The following INHA variants were observed in gnomAD, a reference collection of about 807,000 sequenced individuals.
The protein encoded by INHA is inhibin subunit alpha.
INHA carries 8 observed loss-of-function variants against 21.3 expected under a neutral mutation model. That is an observed-to-expected ratio of 0.38 (90% confidence interval 0.22 to 0.68). The LOEUF (loss-of-function observed/expected upper bound fraction) is 0.68. INHA is among the 30% of genes least tolerant of loss of function. INHA has a pLI of 0.53. For missense variants in INHA, 436 were observed against 465.8 expected (o/e 0.94, Z 0.59); for synonymous variants, 231 against 207.5 (o/e 1.11, Z -0.97).
At position 219,572,627 on chromosome 2, in the gene INHA, C is replaced by G; in HGVS notation, c.253C>G (p.Leu85Val). ...AGAGGAGGATGTCTCCCAAGCCATC[C>G]TTTTCCCAGCCACAGGTAACGAGGG... ...EEEEDVSQAI[L>V]FPATDASCED... The change falls in exon 1 of 2, where the codon CTT (leucine) becomes GTT (valine). Residue 85 changes from leucine (L) to valine (V), a missense_variant. Coordinates refer to ENST00000243786, the MANE Select transcript of INHA (RefSeq NM_002191.4). The G allele has an allele frequency of 6.4e-7, 1 of 1,551,646 alleles. No individual in the cohort carries two copies. Among genetic ancestry groups the G allele is most frequent in the Non-Finnish European group, 8.7e-7 (1 of 1,147,048 alleles).
chr2:219,572,712 A>G (rs984197172), intron 1 of INHA, 70 bp downstream of exon 1: 1 of 1,523,520 alleles, frequency 6.6e-7, no homozygotes, highest in Admixed American at 2.0e-5. Context: ...TTTGCAGGCC[A>G]GGCGGACCTG....
At chr2:219,573,211 C>T (rs1253386782) in intron 1 of INHA, among the ~76,000 whole-genome samples, 1 of 152,034 alleles carries the variant, frequency 6.6e-6, no homozygotes, top group Non-Finnish European at 1.5e-5. Flanking sequence ...GGACCCCTGC[C>T]TCCCTCACTT....
Position 219,575,454 on chromosome 2 carries a change from C to T in INHA, c.1029C>T (p.Thr343=). 6.2e-7 allele frequency: 1 copy of T among 1,614,092 alleles called. No individual in the cohort carries two copies. Among genetic ancestry groups the T allele is most frequent in the Non-Finnish European group, 8.5e-7 (1 of 1,180,046 alleles). ...GTMRPLHVRT[T]SDGGYSFKYE... ...TGAGGCCCCTACATGTCCGCACCAC[C>T]TCGGATGGAGGTTACTCTTTCAAGT... Residue 343 remains threonine (T), a synonymous_variant, in exon 2 of 2, where the codon ACC becomes ACT. Coordinates refer to ENST00000243786, the MANE Select transcript of INHA (RefSeq NM_002191.4).
rs116730426 is a variant in INHA at position 219,572,948 on chromosome 2, C to T, written c.268+306C>T. Among the ~76,000 whole-genome samples, 1,142 of 152,382 alleles carry T rather than the reference C, an allele frequency of 7.5e-3. 14 individuals are homozygous for T. The highest frequency in any genetic ancestry group is 0.026 in the African/African-American group (1,072 of 41,592). ...GAGATATTTGGGCTTGAGCCCCTTC[C>T]TGCCACCTTTCCTCCTATCTCTGCC... On this transcript the variant is annotated intron_variant, in intron 1 of 1. Coordinates refer to ENST00000243786, the MANE Select transcript of INHA (RefSeq NM_002191.4).
chr2:219,572,757 G>C, intron 1 of INHA, 115 bp downstream of exon 1: 3 of 1,153,734 alleles, frequency 2.6e-6, no homozygotes, highest in South Asian at 2.8e-5. Context: ...CAGTTGCTTT[G>C]CAGCAATAGG....
At chr2:219,572,670 T>C (rs1340606338) in intron 1 of INHA, 28 bp downstream of exon 1, 79 of 1,550,912 alleles carry the variant, frequency 5.1e-5, no homozygotes, top group Non-Finnish European at 6.8e-5. Flanking sequence ...ACCGGCAGGA[T>C]GACTTTGAGA....
At chr2:219,572,733 C>T (rs1697441215) in intron 1 of INHA, 91 bp downstream of exon 1, 2 of 1,386,710 alleles carry the variant, frequency 1.4e-6, no homozygotes. Flanking sequence ...GGTTTGAATC[C>T]TAGTCCTGCT....
Position 219,575,229 on chromosome 2 carries a change from C to T in INHA, c.804C>T (p.Asn268=). 2 of 1,614,252 alleles carry T rather than the reference C, an allele frequency of 1.2e-6. No homozygotes were observed. Among genetic ancestry groups the T allele is most frequent in the Non-Finnish European group, 1.7e-6 (2 of 1,180,038 alleles). The change falls in exon 2 of 2, where the codon AAC becomes AAT. Residue 268 remains asparagine, a synonymous_variant. Coordinates refer to ENST00000243786, the MANE Select transcript of INHA (RefSeq NM_002191.4). ...AHANCHRVAL[N]ISFQELGWER... ...CCAACTGCCACAGAGTAGCACTGAA[C>T]ATCTCCTTCCAGGAGCTGGGCTGGG...
chr2:219,574,859 C>T lies in INHA; in HGVS notation c.434C>T (p.Ser145Phe). Residue 145 changes from serine to phenylalanine, a missense_variant, in exon 2 of 2, where the codon TCC becomes TTC. Transcript: ENST00000243786. ...CTGGACAGGCAGGGCACAGCAGCCT[C>T]CAATAGCTCTGAGCCCCTGCTAGGC... is the stretch of plus-strand genomic sequence containing the variant. Reference protein sequence around the residue: ...TGLDRQGTAASNSSEPLLGLL... With the variant: ...TGLDRQGTAAFNSSEPLLGLL... 1 of 1,614,116 alleles carries T rather than the reference C, an allele frequency of 6.2e-7. No individual in the cohort carries two copies.
At chr2:219,573,882 C>T (rs1240110763) in intron 1 of INHA, among the ~76,000 whole-genome samples, 39 of 150,670 alleles carry the variant, frequency 2.6e-4, no homozygotes, top group Admixed American at 2.0e-4. Flanking sequence ...ATTGCTTGAA[C>T]GTGGGAGGCG....
intron 1 of INHA, among the ~76,000 whole-genome samples, chr2:219,573,582 T>C (rs901084935): frequency 5.0e-5 from 2 of 40,174 alleles, no homozygotes; most frequent in African/African-American, 1.7e-4. Context: ...CTTTCCCTCC[T>C]TCTTCTTTTT....
In INHA at chr2:219,572,587, C is replaced by A. The variant is rs1304168817; in HGVS notation, c.213C>A (p.Gly71=). ...RHALGGFTHR[G]SEPEEEEDVS... ...CCCTGGGGGGCTTCACACACAGGGG[C>A]TCTGAGCCCGAGGAAGAGGAGGATG... Residue 71 remains glycine (G), a synonymous_variant, in exon 1 of 2, where the codon GGC becomes GGA. Coordinates refer to ENST00000243786, the MANE Select transcript of INHA (RefSeq NM_002191.4). The A allele has an allele frequency of 6.4e-7, 1 of 1,555,870 alleles. No homozygotes were observed.
chr2:219,573,587 CTTTT>C (rs11342037), intron 1 of INHA, among the ~76,000 whole-genome samples: 22 of 143,644 alleles, frequency 1.5e-4, no homozygotes, highest in South Asian at 2.2e-4. Context: ...CCTCCTTCTT[CTTTT>C]TTTTTTTTTT....
chr2:219,574,278 CAA>C (rs1189604451), intron 1 of INHA, among the ~76,000 whole-genome samples: 2,126 of 65,912 alleles, frequency 0.032, 55 homozygotes, highest in African/African-American at 0.1. Flanking sequence ...GACTCTGTCT[CAA>C]AAAAAAAAAA....
In INHA at chr2:219,574,727, G is replaced by C; in HGVS notation, c.302G>C (p.Gly101Ala). The change falls in exon 2 of 2, where the codon GGG becomes GCG. Residue 101 changes from glycine to alanine, a missense_variant. By Grantham distance (60) the Gly-to-Ala change is moderately conservative. Transcript: ENST00000243786. ...TGTGAGGACAAGTCAGCTGCCAGAG[G>C]GCTGGCCCAGGAGGCTGAGGAGGGC... ...ASCEDKSAAR[G>A]LAQEAEEGLF... 1.2e-6 allele frequency: 2 copies of C among 1,613,738 alleles called. No individual in the cohort carries two copies. Among genetic ancestry groups the C allele is most frequent in the Admixed American group, 3.3e-5 (2 of 59,996 alleles).
chr2:219,572,790 C>T, intron 1 of INHA, 148 bp downstream of exon 1: 3 of 877,062 alleles, frequency 3.4e-6, no homozygotes, highest in East Asian at 2.6e-5. Context: ...CTTCCTTATG[C>T]TTCTGTCTCC....
Position 219,575,447 on chromosome 2 carries a change from G to T in INHA, c.1022G>T (p.Arg341Leu). The T allele has an allele frequency of 1.2e-6, 2 of 1,613,966 alleles. No homozygotes were observed. Among genetic ancestry groups the T allele is most frequent in the South Asian group, 2.2e-5 (2 of 91,088 alleles). Residue 341 changes from arginine (R) to leucine (L), a missense_variant, in exon 2 of 2, where the codon CGC becomes CTC. Arg to Leu is a moderately radical substitution (Grantham distance 102). Coordinates refer to ENST00000243786, the MANE Select transcript of INHA (RefSeq NM_002191.4). ...LPGTMRPLHVRTTSDGGYSFK... is the reference protein window; with the variant it reads ...LPGTMRPLHVLTTSDGGYSFK... Reference sequence around the variant, plus strand: ...GGGACCATGAGGCCCCTACATGTCCGCACCACCTCGGATGGAGGTTACTCT... The same window carrying T: ...GGGACCATGAGGCCCCTACATGTCCTCACCACCTCGGATGGAGGTTACTCT...
rs539617640 is a variant in INHA, at chr2:219,572,382, T to C, written c.8T>C (p.Leu3Pro). 1 of 1,613,846 alleles carries C rather than the reference T, an allele frequency of 6.2e-7. No individual in the cohort carries two copies. The highest frequency in any genetic ancestry group is 8.5e-7 in the Non-Finnish European group (1 of 1,180,020). MVLHLLLFLLLTP... is the reference protein window; with the variant it reads MVPHLLLFLLLTP... The stretch of plus-strand genomic sequence containing the variant: ...AGCAGGGCCAGGTGAGCTATGGTGC[T>C]GCACCTACTGCTCTTCTTGCTGCTG... Residue 3 changes from leucine (L) to proline (P), a missense_variant, in exon 1 of 2, where the codon CTG (leucine) becomes CCG (proline). Leu to Pro is a moderately conservative substitution (Grantham distance 98, BLOSUM62 -3). Coordinates refer to ENST00000243786, the MANE Select transcript of INHA (RefSeq NM_002191.4).
chr2:219,575,095 C>G lies in INHA; in HGVS notation c.670C>G (p.Pro224Ala). The change falls in exon 2 of 2, where the codon CCC becomes GCC. Residue 224 changes from proline (P) to alanine (A), a missense_variant. Transcript: ENST00000243786. The part of the protein sequence containing the change: ...FLVAHTRTRP[P>A]SGGERARRST... ...GGTGGCCCACACTCGGACCAGACCA[C>G]CCAGTGGAGGGGAGAGAGCCCGACG... 1.9e-6 allele frequency: 3 copies of G among 1,614,082 alleles called. No individual in the cohort carries two copies. Among genetic ancestry groups the G allele is most frequent in the Non-Finnish European group, 2.5e-6 (3 of 1,180,038 alleles).
Sources: gnomAD v4.1 joint callset for allele counts (sites outside exome capture counted in the v4.1 genomes callset) on GRCh38, gnomAD v4.1.1 for gene constraint, MANE v1.5 for transcripts, NCBI Gene and HGNC (gene_info 2026-07-23, HGNC 2026-07-21) for gene names.